THAP4: variants seen among roughly 807,000 people sequenced by gnomAD.
THAP4 encodes the protein peroxynitrite isomerase THAP4.
Under a neutral mutation model 48.1 loss-of-function variants are expected in THAP4, and 18 were observed. The observed-to-expected ratio is 0.37, with a 90% confidence interval of 0.26 to 0.56. THAP4 has a LOEUF of 0.56. Ranked by LOEUF, THAP4 falls within the 20% of genes least tolerant of loss-of-function variation. The pLI is 0.78. For missense variants in THAP4, 656 were observed against 774.9 expected (o/e 0.85, Z 1.82); for synonymous variants, 345 against 324.9 (o/e 1.06, Z -0.66).
At chr2:241,617,359 G>A in intron 2 of THAP4, 1 of 1,312,192 alleles carries the variant, frequency 7.6e-7, no homozygotes, top group Non-Finnish European at 1.1e-6. Flanking sequence ...TAAATTTCCT[G>A]CAAGAAATTT....
At position 241,585,937 on chromosome 2, in the gene THAP4, A is replaced by G. The variant is rs551424933; in HGVS notation, c.1615-1212T>C. Among the ~76,000 whole-genome samples, 227 of 147,514 alleles carry G rather than the reference A, an allele frequency of 1.5e-3. 1 individual carries two copies. The highest frequency in any genetic ancestry group is 5.5e-3 in the African/African-American group (216 of 39,514). On this transcript the variant is annotated intron_variant, in intron 5 of 5. Coordinates refer to ENST00000407315, the MANE Select transcript of THAP4 (RefSeq NM_015963.6). ...CAAAAAAAAAAAAAAAAAGAAAAAA[A>G]AAAGAAAAAGAAAAAGAAAGAAAAA...
chr2:241,626,655 C>A (rs963230229), intron 2 of THAP4, among the ~76,000 whole-genome samples: 13 of 151,918 alleles, frequency 8.6e-5, no homozygotes, highest in Non-Finnish European at 1.3e-4. Context: ...CCTCCACCTC[C>A]CGGGTTCAAG....
At chr2:241,606,169 G>T in intron 3 of THAP4, 145 bp downstream of exon 3, 1 of 665,212 alleles carries the variant, frequency 1.5e-6, no homozygotes, top group Non-Finnish European at 2.3e-6. Context: ...GCACATTCAG[G>T]CAAGAGGACA....
intron 5 of THAP4, among the ~76,000 whole-genome samples, chr2:241,598,109 T>C (rs936325643): frequency 5.9e-5 from 9 of 152,068 alleles, no homozygotes; most frequent in Non-Finnish European, 2.9e-5. Context: ...GAGAAAACAG[T>C]ATCTATTACT....
chr2:241,628,562 T>C (rs1171869155), intron 2 of THAP4, among the ~76,000 whole-genome samples: 5 of 151,682 alleles, frequency 3.3e-5, no homozygotes, highest in Admixed American at 6.6e-5. Flanking sequence ...TACTCCAGCA[T>C]TGCTACCACC....
chr2:241,614,655 G>A (rs1200682092), intron 2 of THAP4, among the ~76,000 whole-genome samples: 2 of 152,190 alleles, frequency 1.3e-5, no homozygotes, highest in African/African-American at 2.4e-5. Flanking sequence ...GGAGGCTGAA[G>A]TGGGTGGATC....
At chr2:241,615,304 C>T (rs535524665) in intron 2 of THAP4, among the ~76,000 whole-genome samples, 2 of 152,214 alleles carry the variant, frequency 1.3e-5, no homozygotes, top group Non-Finnish European at 1.5e-5. Flanking sequence ...CACCTAGGAG[C>T]TTGTGTTTCA....
At chr2:241,623,910 A>T (rs2067464878) in intron 2 of THAP4, among the ~76,000 whole-genome samples, 1 of 152,192 alleles carries the variant, frequency 6.6e-6, no homozygotes, top group African/African-American at 2.4e-5. Context: ...CACACTGACC[A>T]ATTCTCTGAT....
At chr2:241,613,042 CTTGT>C (rs994534889) in intron 2 of THAP4, among the ~76,000 whole-genome samples, 18 of 152,146 alleles carry the variant, frequency 1.2e-4, no homozygotes, top group Admixed American at 3.9e-4. Context: ...ATCGATTTCA[CTTGT>C]TTCTTTTTAC....
intron 2 of THAP4, among the ~76,000 whole-genome samples, chr2:241,629,099 C>A (rs528944338): frequency 6.6e-6 from 1 of 152,176 alleles, no homozygotes; most frequent in Admixed American, 6.5e-5. Flanking sequence ...ATACAGCCTC[C>A]ACCTAGGGAA....
intron 5 of THAP4, among the ~76,000 whole-genome samples, chr2:241,594,388 A>G (rs1055510405): frequency 1.3e-5 from 2 of 152,144 alleles, no homozygotes; most frequent in African/African-American, 4.8e-5. Context: ...GTTCGAGACC[A>G]GCCTGGGCAA....
intron 5 of THAP4, among the ~76,000 whole-genome samples, chr2:241,594,364 G>T (rs2067023617): frequency 1.3e-5 from 2 of 152,108 alleles, no homozygotes. Flanking sequence ...CAGGAGGATT[G>T]CTTAAGCCCA....
At chr2:241,637,523 G>A (rs1222835824), upstream of THAP4, 7 of 1,438,840 alleles carry the variant, frequency 4.9e-6, no homozygotes, top group Non-Finnish European at 6.3e-6. Flanking sequence ...CGCCCGCAGG[G>A]CGCCCCGGGG....
intron 4 of THAP4, 44 bp from the exon 5 acceptor site, chr2:241,602,043 T>A (rs772025976): frequency 6.3e-7 from 1 of 1,589,676 alleles, no homozygotes; most frequent in East Asian, 2.2e-5. Context: ...CTGCTCGGCT[T>A]GCAGAGAGGC....
intron 2 of THAP4, among the ~76,000 whole-genome samples, chr2:241,626,296 C>T (rs1263730950): frequency 6.6e-6 from 1 of 151,912 alleles, no homozygotes; most frequent in African/African-American, 2.4e-5. Context: ...CAAAAATTAG[C>T]TGGACATGGT....
At chr2:241,605,792 T>C (rs1055997673) in intron 3 of THAP4, among the ~76,000 whole-genome samples, 2 of 152,082 alleles carry the variant, frequency 1.3e-5, no homozygotes, top group South Asian at 2.1e-4. Context: ...CACAGCTCAC[T>C]GTAGCCTTGG....
chr2:241,585,217 T>G (rs2066879309), intron 5 of THAP4: 2 of 153,882 alleles, frequency 1.3e-5, no homozygotes, highest in African/African-American at 4.8e-5. Context: ...GAACAGTAAT[T>G]CATCAGAATA....
intron 5 of THAP4, among the ~76,000 whole-genome samples, chr2:241,590,200 G>A (rs1012651810): frequency 7.0e-6 from 1 of 142,082 alleles, no homozygotes; most frequent in African/African-American, 2.7e-5. Context: ...TGGGCACTAG[G>A]ACACACAGAG....
rs531072426 is a variant in THAP4, at chr2:241,598,061, C to T, written c.1614+3835G>A. 6.7e-5 allele frequency among the ~76,000 whole-genome samples: 10 copies of T among 150,098 alleles called. No individual in the cohort carries two copies. In the South Asian group the frequency reaches 2.1e-3, roughly 31 times the overall value. ...AGAAAAAGAGAAAACACACACAAAA[C>T]ATCAGTAAAAGAGAAGTGACATAGA... On this transcript the variant is annotated intron_variant, in intron 5 of 5. Coordinates refer to ENST00000407315, the MANE Select transcript of THAP4 (RefSeq NM_015963.6).
Sources: gnomAD v4.1 joint callset for allele counts (sites outside exome capture counted in the v4.1 genomes callset) on GRCh38, gnomAD v4.1.1 for gene constraint, MANE v1.5 for transcripts, NCBI Gene and HGNC (gene_info 2026-07-23, HGNC 2026-07-21) for gene names.